Variants in VEZT observed in about 807,000 individuals in gnomAD.
VEZT encodes the protein vezatin, adherens junctions transmembrane protein.
A neutral mutation model predicts 79.9 loss-of-function variants in VEZT; 39 were observed. That is an observed-to-expected ratio of 0.49 (90% CI 0.38 to 0.64). The LOEUF is 0.64. Ranked by LOEUF, VEZT falls within the 30% of genes least tolerant of loss-of-function variation. VEZT has a pLI of 0.00. For missense variants in VEZT, 837 were observed against 893.1 expected (o/e 0.94, Z 0.80); for synonymous variants, 325 against 327.6 (o/e 0.99, Z 0.09).
At chr12:95,234,702 T>C (rs1225746049) in intron 1 of VEZT, among the ~76,000 whole-genome samples, 2 of 152,134 alleles carry the variant, frequency 1.3e-5, no homozygotes, top group African/African-American at 4.8e-5. Flanking sequence ...TTGATCATTC[T>C]TGGGTGTGAT....
At chr12:95,284,394 T>G (rs192552312) in intron 8 of VEZT, among the ~76,000 whole-genome samples, 1 of 152,014 alleles carries the variant, frequency 6.6e-6, no homozygotes, top group East Asian at 1.9e-4. Context: ...TGGAACCATA[T>G]TGTCTCTTCC....
At chr12:95,259,170 T>C (rs1323640721) in intron 3 of VEZT, among the ~76,000 whole-genome samples, 1 of 149,332 alleles carries the variant, frequency 6.7e-6, no homozygotes, top group African/African-American at 2.5e-5. Context: ...TGTGCTCTTA[T>C]ACTGTGATGG....
At chr12:95,279,834 G>GTAATCCTCCCACC (rs71078695) in intron 7 of VEZT, among the ~76,000 whole-genome samples, 44,396 of 128,464 alleles carry the variant, frequency 0.35, 7,516 homozygotes, top group African/African-American at 0.49. Flanking sequence ...CTGGCCTCAA[G>GTAATCCTCCCACC]TGAGCCTCCC....
At chr12:95,269,866 A>G (rs1033587585) in intron 5 of VEZT, 185 bp from the exon 6 acceptor site, 3 of 575,892 alleles carry the variant, frequency 5.2e-6, no homozygotes, top group Non-Finnish European at 8.8e-6. Flanking sequence ...ATATATATAT[A>G]TATCTAGTCA....
chr12:95,291,232 A>G (rs779952201), intron 9 of VEZT, among the ~76,000 whole-genome samples: 34 of 152,226 alleles, frequency 2.2e-4, no homozygotes, highest in Non-Finnish European at 4.0e-4. Flanking sequence ...CCCTGTCTCA[A>G]AAATATATGT....
chr12:95,295,070 C>T (rs995561908), intron 10 of VEZT, among the ~76,000 whole-genome samples: 15 of 152,152 alleles, frequency 9.9e-5, no homozygotes, highest in African/African-American at 3.1e-4. Context: ...CCCCTTGCTT[C>T]GTCAATGCTG....
chr12:95,248,270 G>C (rs1278740000), intron 1 of VEZT, among the ~76,000 whole-genome samples: 1 of 152,162 alleles, frequency 6.6e-6, no homozygotes, highest in African/African-American at 2.4e-5. Context: ...ACTACTAGTA[G>C]AATTTACTGT....
rs2075031757 is a variant in VEZT, at chr12:95,300,265, T to C, written c.1932T>C (p.Thr644=). 1 of 1,590,158 alleles carries C rather than the reference T, an allele frequency of 6.3e-7. No homozygotes were observed. The highest frequency in any genetic ancestry group is 1.8e-5 in the Admixed American group (1 of 56,264). ...SDMGKVSKND[T]EEESNKSATT... is the part of the protein sequence containing the mutation. ...TGGGAAAAGTCAGTAAAAATGATAC[T>C]GAAGAGGAAAGTAATAAATCCGCCA... The change falls in exon 12 of 12, where the codon ACT becomes ACC. Residue 644 remains threonine (T), a synonymous_variant. Coordinates refer to ENST00000436874, the MANE Select transcript of VEZT (RefSeq NM_017599.4).
At chr12:95,244,647 G>C (rs1385792772) in intron 1 of VEZT, among the ~76,000 whole-genome samples, 2 of 150,684 alleles carry the variant, frequency 1.3e-5, no homozygotes, top group Non-Finnish European at 3.0e-5. Context: ...GTGTGCAATG[G>C]TGTGATCTCA....
chr12:95,284,895 C>G (rs2070213952), intron 8 of VEZT, among the ~76,000 whole-genome samples: 1 of 151,936 alleles, frequency 6.6e-6, no homozygotes. Flanking sequence ...ACCATCCTGG[C>G]TAACATGGTG....
intron 1 of VEZT, among the ~76,000 whole-genome samples, chr12:95,232,415 T>G (rs574159828): frequency 2.6e-5 from 4 of 152,368 alleles, no homozygotes; most frequent in Admixed American, 2.0e-4. Context: ...TACGTATAAC[T>G]TGGTGAATTC....
intron 9 of VEZT, chr12:95,294,050 A>G (rs2073599402): frequency 4.8e-6 from 2 of 414,628 alleles, no homozygotes; most frequent in African/African-American, 4.1e-5. Context: ...CACCATGCCC[A>G]GCCAATTTTT....
chr12:95,222,827 G>T (rs2057823441), intron 1 of VEZT, among the ~76,000 whole-genome samples: 1 of 152,140 alleles, frequency 6.6e-6, no homozygotes, highest in Non-Finnish European at 1.5e-5. Flanking sequence ...CCTTCTAAAT[G>T]AATCAAGCAA....
chr12:95,264,875 T>C lies in VEZT; in HGVS notation c.435-1482T>C, dbSNP rs199738625. Among the ~76,000 whole-genome samples the C allele has an allele frequency of 1.6e-4, 18 of 115,212 alleles. 1 individual carries two copies. Among genetic ancestry groups the C allele is most frequent in the Non-Finnish European group, 2.1e-4 (11 of 53,492 alleles). 75.6% of individuals were successfully genotyped at this position (115,212 alleles called of 152,430 possible). The stretch of plus-strand genomic sequence containing the variant: ...CCCCTCTTTCTTTTCTTTTCTTTTT[T>C]TTTTTTTTTTTTTTTGAGACAAGGT... On this transcript the variant is annotated intron_variant, in intron 4 of 11. Coordinates refer to ENST00000436874, the MANE Select transcript of VEZT (RefSeq NM_017599.4).
chr12:95,229,832 G>A (rs1052820203), intron 1 of VEZT, among the ~76,000 whole-genome samples: 9 of 152,120 alleles, frequency 5.9e-5, no homozygotes, highest in African/African-American at 1.9e-4. Flanking sequence ...GCTCATGCCT[G>A]TAATCCCAGC....
At chr12:95,278,660 C>T (rs1428551063) in intron 7 of VEZT, among the ~76,000 whole-genome samples, 1 of 152,152 alleles carries the variant, frequency 6.6e-6, no homozygotes, top group East Asian at 1.9e-4. Flanking sequence ...CGTATCTTCC[C>T]TCAGGAAAGT....
intron 5 of VEZT, among the ~76,000 whole-genome samples, chr12:95,267,221 G>A (rs1366667668): frequency 6.6e-6 from 1 of 152,156 alleles, no homozygotes; most frequent in Admixed American, 6.5e-5. Flanking sequence ...TAAAGGGAAA[G>A]TTACATTTAT....
chr12:95,236,854 T>C (rs2060266735), intron 1 of VEZT, among the ~76,000 whole-genome samples: 1 of 152,158 alleles, frequency 6.6e-6, no homozygotes, highest in Non-Finnish European at 1.5e-5. Context: ...CCCAAAGTGC[T>C]AGGATTACAG....
At chr12:95,254,396 G>A (rs1483456052) in intron 2 of VEZT, among the ~76,000 whole-genome samples, 2 of 139,636 alleles carry the variant, frequency 1.4e-5, no homozygotes, top group Non-Finnish European at 3.0e-5. Flanking sequence ...GCCCAGGTTG[G>A]AGGGCAGTGA....
Sources: allele counts gnomAD v4.1 joint callset (sites outside exome capture counted in the v4.1 genomes callset), GRCh38; gene constraint gnomAD v4.1.1; transcripts MANE v1.5; gene names NCBI Gene and HGNC (gene_info 2026-07-23, HGNC 2026-07-21).